The following NRG1 variants were observed in gnomAD, a reference collection of about 807,000 sequenced individuals.
The protein encoded by NRG1 is pro-neuregulin-1, membrane-bound isoform.
In NRG1, 18 loss-of-function variants were observed where a neutral mutation model predicts 63.8. The observed-to-expected ratio is 0.28, with a 90% confidence interval of 0.19 to 0.42. NRG1 has a LOEUF of 0.42. NRG1 is among the 10% of genes least tolerant of loss of function. NRG1 has a pLI of 1.00. For missense variants in NRG1, 762 were observed against 814.7 expected (o/e 0.94, Z 0.79); for synonymous variants, 302 against 301.3 (o/e 1.00, Z -0.02).
intron 5 of NRG1, among the ~76,000 whole-genome samples, chr8:32,676,961 T>C (rs768802978): frequency 6.6e-6 from 1 of 152,194 alleles, no homozygotes. Context: ...AATTATTGTC[T>C]CCTTGACTCT....
At chr8:32,284,710 TTTTG>T (rs564742920) in intron 1 of NRG1, among the ~76,000 whole-genome samples, 13 of 152,184 alleles carry the variant, frequency 8.5e-5, no homozygotes, top group South Asian at 4.2e-4. Flanking sequence ...CTTTTTTGCC[TTTTG>T]TTTGTTTGTT....
chr8:32,647,991 A>C (rs1378180103), intron 5 of NRG1: 1 of 1,614,162 alleles, frequency 6.2e-7, no homozygotes, highest in Admixed American at 1.7e-5. Context: ...CTGCCTCTGC[A>C]TCGCCGGCCT....
chr8:32,037,553 C>T (rs1364468499), intron 1 of NRG1, among the ~76,000 whole-genome samples: 1 of 152,190 alleles, frequency 6.6e-6, no homozygotes, highest in East Asian at 1.9e-4. Flanking sequence ...ATTCACGATA[C>T]CGCAGCCGCC....
intron 1 of NRG1, chr8:32,139,352 G>A (rs935111638): frequency 6.6e-6 from 1 of 152,180 alleles, no homozygotes. Context: ...GACAAAGAAT[G>A]GAATGGGAGC....
intron 7 of NRG1, among the ~76,000 whole-genome samples, chr8:32,773,937 C>T (rs112618208): frequency 1.8e-4 from 28 of 152,274 alleles, no homozygotes; most frequent in African/African-American, 6.3e-4. Flanking sequence ...CATTGGCCTA[C>T]GAACTTTATG....
At chr8:32,189,130 C>T (rs1370171659) in intron 1 of NRG1, among the ~76,000 whole-genome samples, 1 of 152,006 alleles carries the variant, frequency 6.6e-6, no homozygotes, top group Non-Finnish European at 1.5e-5. Flanking sequence ...AAGATTTCAA[C>T]ATTTGCTTTA....
chr8:31,700,847 G>A lies in NRG1; in HGVS notation c.37+61416G>A, dbSNP rs74844949. Among the ~76,000 whole-genome samples the A allele has an allele frequency of 3.3e-3, 507 of 152,246 alleles. 4 individuals are homozygous for A. The highest frequency in any genetic ancestry group is 3.4e-3 in the Middle Eastern group (1 of 294). ...TTGACTATGGAAATAATTGGGTGGG[G>A]GCTGAGGTCTTTATGGTAGATTCAA... On this transcript the variant is annotated intron_variant, in intron 1 of 10. Coordinates refer to the NRG1 transcript ENST00000519301.
chr8:32,695,815 G>A (rs1813158111), intron 5 of NRG1, among the ~76,000 whole-genome samples: 1 of 152,148 alleles, frequency 6.6e-6, no homozygotes, highest in Non-Finnish European at 1.5e-5. Context: ...GAGGGAGCAA[G>A]GTATTATGTG....
intron 1 of NRG1, among the ~76,000 whole-genome samples, chr8:32,344,996 A>C (rs577766461): frequency 1.3e-5 from 2 of 152,262 alleles, no homozygotes; most frequent in East Asian, 1.9e-4. Context: ...GCTAGCTCAC[A>C]AAAATGTCGG....
chr8:32,104,879 G>C (rs1025693723), intron 1 of NRG1, among the ~76,000 whole-genome samples: 22 of 151,000 alleles, frequency 1.5e-4, no homozygotes, highest in African/African-American at 5.4e-4. Context: ...CCTCCTGAAG[G>C]ACCTGCCTGA....
At chr8:31,730,627 A>G (rs1170533988) in intron 1 of NRG1, among the ~76,000 whole-genome samples, 1 of 152,190 alleles carries the variant, frequency 6.6e-6, no homozygotes, top group Non-Finnish European at 1.5e-5. Flanking sequence ...GAAGGATTAT[A>G]AAGTCAAATT....
intron 1 of NRG1, among the ~76,000 whole-genome samples, chr8:32,326,810 T>C (rs1802081081): frequency 6.6e-6 from 1 of 152,162 alleles, no homozygotes; most frequent in African/African-American, 2.4e-5. Context: ...ATTAAAGTCA[T>C]ATTTCCAAAC....
intron 1 of NRG1, among the ~76,000 whole-genome samples, chr8:32,486,913 C>T (rs1825971686): frequency 6.6e-6 from 1 of 152,206 alleles, no homozygotes; most frequent in South Asian, 2.1e-4. Context: ...GTGTGAGCCA[C>T]TGTGCCCAAC....
chr8:32,695,909 GA>G (rs1462609800), intron 5 of NRG1, among the ~76,000 whole-genome samples: 1 of 152,164 alleles, frequency 6.6e-6, no homozygotes, highest in Non-Finnish European at 1.5e-5. Flanking sequence ...CAAAACAAAA[GA>G]ATGTGCCCAG....
chr8:32,691,668 T>C (rs187941007), intron 5 of NRG1, among the ~76,000 whole-genome samples: 88 of 152,376 alleles, frequency 5.8e-4, no homozygotes, highest in Non-Finnish European at 9.4e-4. Context: ...ATTGAAACTT[T>C]GGGAAAATGT....
chr8:32,744,276 A>G (rs1827041450), intron 7 of NRG1, among the ~76,000 whole-genome samples: 1 of 152,144 alleles, frequency 6.6e-6, no homozygotes, highest in Non-Finnish European at 1.5e-5. Context: ...TTAGGGAGGT[A>G]GTATTTATTT....
chr8:31,848,120 G>A (rs760254696), intron 1 of NRG1, among the ~76,000 whole-genome samples: 7 of 152,016 alleles, frequency 4.6e-5, no homozygotes, highest in Admixed American at 6.6e-5. Context: ...GGGGAAGGCC[G>A]GTAATTCAGG....
At chr8:32,262,108 T>C (rs893691967) in intron 1 of NRG1, among the ~76,000 whole-genome samples, 2 of 152,170 alleles carry the variant, frequency 1.3e-5, no homozygotes, top group African/African-American at 4.8e-5. Context: ...TGCAAGATTG[T>C]TGTGAGCGTA....
intron 1 of NRG1, among the ~76,000 whole-genome samples, chr8:32,503,387 C>T (rs1202712301): frequency 6.6e-6 from 1 of 150,466 alleles, no homozygotes; most frequent in Non-Finnish European, 1.5e-5. Context: ...AAATTATCTA[C>T]CTATTTCATG....
Sources: gnomAD v4.1 joint callset for allele counts (sites outside exome capture counted in the v4.1 genomes callset) on GRCh38, gnomAD v4.1.1 for gene constraint, MANE v1.5 for transcripts, NCBI Gene and HGNC (gene_info 2026-07-23, HGNC 2026-07-21) for gene names.